NCKAP5: variants seen among roughly 807,000 people sequenced by gnomAD.
The protein encoded by NCKAP5 is nck-associated protein 5.
Under a neutral mutation model 167.0 loss-of-function variants are expected in NCKAP5, and 92 were observed. That is an observed-to-expected ratio of 0.55 (90% CI 0.47 to 0.66). NCKAP5 has a LOEUF of 0.66. Among genes scored for constraint, NCKAP5 ranks in the 30% least tolerant of loss-of-function variants. The pLI, the probability that NCKAP5 is intolerant of heterozygous loss-of-function variation, is 0.00. For missense variants in NCKAP5, 2,378 were observed against 2,315.0 expected (o/e 1.03, Z -0.56); for synonymous variants, 891 against 877.4 (o/e 1.02, Z -0.27).
At chr2:133,598,586 A>C in the NCKAP5 span, among the ~76,000 whole-genome samples, 1 of 152,192 alleles carries the variant, frequency 6.6e-6, no homozygotes, top group Non-Finnish European at 1.5e-5. Context: ...CTCCTTGACA[A>C]CAGGGGCCCA....
chr2:133,403,110 T>C (rs557536510), intron 3 of NCKAP5, among the ~76,000 whole-genome samples: 6 of 152,288 alleles, frequency 3.9e-5, no homozygotes, highest in East Asian at 1.9e-4. Flanking sequence ...ACAAAAACAA[T>C]GTGATTCATT....
At chr2:132,695,014 C>T (rs756545303) in intron 19 of NCKAP5, among the ~76,000 whole-genome samples, 7 of 152,118 alleles carry the variant, frequency 4.6e-5, no homozygotes, top group Non-Finnish European at 8.8e-5. Flanking sequence ...AGATACCTGC[C>T]TTCTGGCTAT....
Position 133,037,599 on chromosome 2 carries a change from G to A in NCKAP5, c.342-43360C>T, listed in dbSNP as rs556716637. Among the ~76,000 whole-genome samples, 55 of 152,156 alleles carry A rather than the reference G, an allele frequency of 3.6e-4. No individual in the cohort carries two copies. In the Middle Eastern group the frequency reaches 0.014, roughly 38 times the overall value. On this transcript the variant is annotated intron_variant, in intron 6 of 19. Transcript: ENST00000409261. The stretch of plus-strand genomic sequence containing the variant: ...CCGGTGAAACTGGACATCCAAATGC[G>A]GAAGAATGAAACTAGATTCCTATCT...
chr2:133,251,598 C>A (rs1390024779), intron 4 of NCKAP5, among the ~76,000 whole-genome samples: 2 of 152,154 alleles, frequency 1.3e-5, no homozygotes, highest in Non-Finnish European at 2.9e-5. Context: ...CTACAAGGCA[C>A]TCTATCAAAC....
chr2:133,406,590 A>G (rs543584339), intron 3 of NCKAP5, among the ~76,000 whole-genome samples: 7 of 136,602 alleles, frequency 5.1e-5, no homozygotes, highest in South Asian at 2.8e-4. Flanking sequence ...GGAAGGAAGG[A>G]AGGGAGGGAG....
At chr2:133,355,845 T>C (rs1408112968) in intron 3 of NCKAP5, among the ~76,000 whole-genome samples, 2 of 152,170 alleles carry the variant, frequency 1.3e-5, no homozygotes, top group Non-Finnish European at 2.9e-5. Context: ...TTTTAACCTA[T>C]CATCTCTGAA....
At chr2:132,856,988 G>A (rs760879410) in intron 11 of NCKAP5, among the ~76,000 whole-genome samples, 3 of 152,128 alleles carry the variant, frequency 2.0e-5, no homozygotes, top group Non-Finnish European at 4.4e-5. Flanking sequence ...TTGGTAAAAC[G>A]GGTGCAATGA....
intron 4 of NCKAP5, among the ~76,000 whole-genome samples, chr2:133,224,114 A>G (rs555633755): frequency 3.9e-5 from 6 of 152,178 alleles, no homozygotes; most frequent in African/African-American, 1.4e-4. Context: ...TGTATTCTCA[A>G]AATTGTTCTT....
chr2:132,959,060 T>C (rs1163997431), intron 8 of NCKAP5, among the ~76,000 whole-genome samples: 2 of 146,986 alleles, frequency 1.4e-5, no homozygotes, highest in South Asian at 2.1e-4. Flanking sequence ...TATTTATATA[T>C]AAATATATTA....
chr2:132,916,027 C>T (rs1425475725), intron 8 of NCKAP5, among the ~76,000 whole-genome samples: 3 of 152,054 alleles, frequency 2.0e-5, no homozygotes, highest in African/African-American at 7.2e-5. Flanking sequence ...TATTTCACAG[C>T]CTCACTACAT....
chr2:132,675,575 A>T (rs1684331642), intron 19 of NCKAP5, among the ~76,000 whole-genome samples: 1 of 152,174 alleles, frequency 6.6e-6, no homozygotes, highest in Admixed American at 6.5e-5. Flanking sequence ...TCAGTTTTTA[A>T]CAAGATTACC....
chr2:132,991,315 G>T (rs920316345), intron 7 of NCKAP5, among the ~76,000 whole-genome samples: 1 of 152,154 alleles, frequency 6.6e-6, no homozygotes, highest in Non-Finnish European at 1.5e-5. Flanking sequence ...ACATGAAAAT[G>T]TTATTAATGT....
At chr2:133,165,832 T>C (rs1278204211) in intron 5 of NCKAP5, among the ~76,000 whole-genome samples, 3 of 152,236 alleles carry the variant, frequency 2.0e-5, no homozygotes, top group East Asian at 3.8e-4. Context: ...AAAAGGAAGA[T>C]ATTTCACTAT....
At chr2:132,919,402 T>A (rs1695133396) in intron 8 of NCKAP5, among the ~76,000 whole-genome samples, 1 of 152,126 alleles carries the variant, frequency 6.6e-6, no homozygotes. Flanking sequence ...TTTGAATGTG[T>A]GTTCTACACA....
Position 133,226,604 on chromosome 2 carries a change from A to AACACACACACACACACAC in NCKAP5, c.144-12843_144-12826dup, listed in dbSNP as rs3051222. ...TAAAAAAAGGGAAAATTTGAAGATA[A>AACACACACACACACACAC]ACACACACACACACACACACACACA... On this transcript the variant is annotated intron_variant, in intron 4 of 19. Coordinates refer to ENST00000409261, the MANE Select transcript of NCKAP5 (RefSeq NM_207363.3). Among the ~76,000 whole-genome samples the AACACACACACACACACAC allele has an allele frequency of 4.3e-3, 602 of 139,224 alleles. 6 individuals are homozygous for AACACACACACACACACAC. Among genetic ancestry groups the AACACACACACACACACAC allele is most frequent in the African/African-American group, 7.4e-3 (273 of 36,756 alleles). 91.3% of individuals were successfully genotyped at this position (139,224 alleles called of 152,430 possible).
At chr2:133,586,780 C>CACAG in the NCKAP5 span, among the ~76,000 whole-genome samples, 1 of 151,806 alleles carries the variant, frequency 6.6e-6, no homozygotes, top group African/African-American at 2.4e-5. Flanking sequence ...CACACACACA[C>CACAG]ACACACACAC....
chr2:132,944,758 C>T lies in NCKAP5; in HGVS notation c.579+18962G>A, dbSNP rs138422582. Among the ~76,000 whole-genome samples the T allele has an allele frequency of 2.2e-3, 335 of 152,226 alleles. 2 individuals carry two copies. Among genetic ancestry groups the T allele is most frequent in the African/African-American group, 7.6e-3 (314 of 41,538 alleles). ...TCCTGAAAGAGCGACATTTTGAGCA[C>T]GTAGAGCTATCTTTATATAAATAAG... is the stretch of plus-strand genomic sequence containing the variant. On this transcript the variant is annotated intron_variant, in intron 8 of 19. Coordinates refer to ENST00000409261, the MANE Select transcript of NCKAP5 (RefSeq NM_207363.3).
In NCKAP5 at chr2:132,785,432, G is replaced by A; in HGVS notation, c.1379C>T (p.Pro460Leu). 1 of 1,613,772 alleles carries A rather than the reference G, an allele frequency of 6.2e-7. No homozygotes were observed. The highest frequency in any genetic ancestry group is 8.5e-7 in the Non-Finnish European group (1 of 1,179,810). ...AAATGTCTTGTGGGGTTCCTTGCAG[G>A]GGCTCCCCAGGTCAGCTGTTTTGCA... ...PPCKTADLGS[P>L]CKEPHKTFVY... Residue 460 changes from proline (P) to leucine (L), a missense_variant, in exon 14 of 20, where the codon CCC (proline) becomes CTC (leucine). By Grantham distance (98) the Pro-to-Leu change is moderately conservative. Transcript: ENST00000409261.
intron 8 of NCKAP5, among the ~76,000 whole-genome samples, chr2:132,900,446 A>T (rs945429206): frequency 6.6e-6 from 1 of 152,200 alleles, no homozygotes; most frequent in African/African-American, 2.4e-5. Context: ...TGTGTGAGAG[A>T]TACACATACA....
Sources: allele counts gnomAD v4.1 joint callset (sites outside exome capture counted in the v4.1 genomes callset), GRCh38; gene constraint gnomAD v4.1.1; transcripts MANE v1.5; gene names NCBI Gene and HGNC (gene_info 2026-07-23, HGNC 2026-07-21).